Variants in TEK observed in about 807,000 individuals in gnomAD.
The protein encoded by TEK is angiopoietin-1 receptor.
Under a neutral mutation model 131.8 loss-of-function variants are expected in TEK, and 43 were observed. The ratio of observed to expected loss-of-function variants is 0.33; its 90% CI spans 0.26 to 0.42. The LOEUF (loss-of-function observed/expected upper bound fraction) is 0.42. Ranked by LOEUF, TEK falls within the 10% of genes least tolerant of loss-of-function variation. The probability of loss-of-function intolerance (pLI) is 1.00; values close to 1 mark genes in which losing one functional copy is unlikely to be tolerated. For missense variants in TEK, 1,162 were observed against 1,384.4 expected (o/e 0.84, Z 2.55); for synonymous variants, 580 against 491.6 (o/e 1.18, Z -2.38).
At chr9:27,185,348 T>G in intron 8 of TEK, 137 bp from the exon 9 acceptor site, 1 of 1,079,682 alleles carries the variant, frequency 9.3e-7, no homozygotes, top group Non-Finnish European at 1.4e-6. Flanking sequence ...AAGCCAATAA[T>G]TATATTAGCA....
chr9:27,191,935 T>C (rs2131185881), intron 10 of TEK: 2 of 455,748 alleles, frequency 4.4e-6, no homozygotes, highest in Non-Finnish European at 8.8e-6. Context: ...GCAGTATCCA[T>C]GGAGAAACAG....
At chr9:27,158,715 A>G (rs1823434697) in intron 2 of TEK, among the ~76,000 whole-genome samples, 1 of 147,582 alleles carries the variant, frequency 6.8e-6, no homozygotes, top group African/African-American at 2.5e-5. Flanking sequence ...ACTAGAGTGC[A>G]GTGGCATGAT....
At chr9:27,153,804 C>T (rs933055359) in intron 1 of TEK, among the ~76,000 whole-genome samples, 2 of 152,216 alleles carry the variant, frequency 1.3e-5, no homozygotes, top group African/African-American at 4.8e-5. Flanking sequence ...ACCAGATATG[C>T]AGTGGCAGCC....
intron 11 of TEK, among the ~76,000 whole-genome samples, chr9:27,194,773 T>G (rs1824947286): frequency 6.6e-6 from 1 of 152,304 alleles, no homozygotes; most frequent in Non-Finnish European, 1.5e-5. Flanking sequence ...TTGAAGGTTC[T>G]TCTTTTCCCA....
chr9:27,127,835 C>A (rs2131054882), intron 1 of TEK, among the ~76,000 whole-genome samples: 1 of 152,150 alleles, frequency 6.6e-6, no homozygotes, highest in South Asian at 2.1e-4. Flanking sequence ...TTGATTTTTT[C>A]TTGTAAATTT....
chr9:27,177,382 T>A (rs189297163), intron 6 of TEK, among the ~76,000 whole-genome samples: 5 of 152,212 alleles, frequency 3.3e-5, no homozygotes, highest in African/African-American at 9.6e-5. Context: ...CATTGTGGTT[T>A]TGATTTTCAT....
intron 1 of TEK, among the ~76,000 whole-genome samples, chr9:27,136,085 A>ATTTTTTTTTTTTTTTTTT (rs36023271): frequency 7.3e-6 from 1 of 137,022 alleles, no homozygotes; most frequent in Non-Finnish European, 1.6e-5. Flanking sequence ...CAGGGCAGTT[A>ATTTTTTTTTTTTTTTTTT]TTTTTTTTTT....
At chr9:27,165,248 G>A (rs574957856) in intron 2 of TEK, among the ~76,000 whole-genome samples, 3 of 152,170 alleles carry the variant, frequency 2.0e-5, no homozygotes, top group East Asian at 1.9e-4. Flanking sequence ...GAAGTCCCAC[G>A]GTCAGCTAAA....
intron 2 of TEK, among the ~76,000 whole-genome samples, chr9:27,168,008 C>T (rs974165140): frequency 2.6e-5 from 4 of 152,202 alleles, no homozygotes; most frequent in African/African-American, 7.2e-5. Flanking sequence ...ATCTGAGATG[C>T]TCCAAGATCC....
At chr9:27,175,952 G>A (rs1011525977) in intron 6 of TEK, among the ~76,000 whole-genome samples, 2 of 152,104 alleles carry the variant, frequency 1.3e-5, no homozygotes, top group African/African-American at 2.4e-5. Context: ...TGTTCACTCT[G>A]ATGGTAGTTT....
At chr9:27,148,570 T>C (rs1302240362) in intron 1 of TEK, among the ~76,000 whole-genome samples, 1 of 152,206 alleles carries the variant, frequency 6.6e-6, no homozygotes, top group African/African-American at 2.4e-5. Context: ...GAGAGCCCAG[T>C]GGGCAAGCAC....
intron 1 of TEK, among the ~76,000 whole-genome samples, chr9:27,152,686 C>G (rs542487097): frequency 4.0e-5 from 6 of 151,440 alleles, no homozygotes; most frequent in African/African-American, 1.5e-4. Flanking sequence ...TTGATTTCAC[C>G]TCTTCCACTC....
Position 27,200,847 on chromosome 9 carries a change from G to A in TEK, c.1910-1973G>A, listed in dbSNP as rs191584401. 1.5e-4 allele frequency among the ~76,000 whole-genome samples: 23 copies of A among 152,308 alleles called. No individual in the cohort carries two copies. In the East Asian group the frequency reaches 3.5e-3, roughly 23 times the overall value. The stretch of plus-strand genomic sequence containing the variant: ...TTTTTGAGGAAAGTAGAGTAAGAAT[G>A]ATTATCACAGTTAACAGATGAGGAA... On this transcript the variant is annotated intron_variant, in intron 12 of 22. Coordinates refer to ENST00000380036, the MANE Select transcript of TEK (RefSeq NM_000459.5).
At chr9:27,212,372 G>C (rs920955039) in intron 16 of TEK, among the ~76,000 whole-genome samples, 2 of 152,156 alleles carry the variant, frequency 1.3e-5, no homozygotes, top group African/African-American at 4.8e-5. Flanking sequence ...CGTGAAGAAC[G>C]TGTCTGAGAT....
intron 1 of TEK, among the ~76,000 whole-genome samples, chr9:27,146,209 T>C (rs1432786752): frequency 6.6e-6 from 1 of 152,252 alleles, no homozygotes; most frequent in Non-Finnish European, 1.5e-5. Flanking sequence ...TATGCTGCAA[T>C]GAATATCCTT....
At chr9:27,187,438 C>T (rs1456706952) in intron 9 of TEK, among the ~76,000 whole-genome samples, 1 of 152,172 alleles carries the variant, frequency 6.6e-6, no homozygotes, top group African/African-American at 2.4e-5. Context: ...CCAGCAGTTC[C>T]ACCCCTAGGT....
chr9:27,140,051 A>G (rs76222134), intron 1 of TEK, among the ~76,000 whole-genome samples: 4,650 of 152,282 alleles, frequency 0.031, 102 homozygotes, highest in Middle Eastern at 0.071. Context: ...TTTCAGATCC[A>G]TTTCCTGGTG....
At position 27,114,368 on chromosome 9, in the gene TEK, C is replaced by T. The variant is rs553565451; in HGVS notation, c.52+4726C>T. On this transcript the variant is annotated intron_variant, in intron 1 of 22. Transcript: ENST00000380036. ...TGGGCAGATCACGAGATCAGGAGTC[C>T]GAGACCAGCCTGACCAACATGGTGA... Among the ~76,000 whole-genome samples, 39 of 152,140 alleles carry T rather than the reference C, an allele frequency of 2.6e-4. 1 individual carries two copies. In the South Asian group the frequency reaches 6.0e-3, roughly 24 times the overall value.
At chr9:27,189,954 A>C (rs7038775) in intron 9 of TEK, among the ~76,000 whole-genome samples, 11,378 of 152,224 alleles carry the variant, frequency 0.075, 627 homozygotes, top group African/African-American at 0.15. Flanking sequence ...ATAACCCCTA[A>C]AAATCACCAT....
Sources: gnomAD v4.1 joint callset for allele counts (sites outside exome capture counted in the v4.1 genomes callset) on GRCh38, gnomAD v4.1.1 for gene constraint, MANE v1.5 for transcripts, NCBI Gene and HGNC (gene_info 2026-07-23, HGNC 2026-07-21) for gene names.